Variants in FRMD6 observed in about 807,000 individuals in gnomAD.
The protein encoded by FRMD6 is FERM domain-containing protein 6.
A neutral mutation model predicts 73.2 loss-of-function variants in FRMD6; 37 were observed. That is an observed-to-expected ratio of 0.51 (90% confidence interval 0.39 to 0.66). FRMD6 has a LOEUF of 0.66. Ranked by LOEUF, FRMD6 falls within the 30% of genes least tolerant of loss-of-function variation. FRMD6 has a pLI of 0.00. For synonymous variants in FRMD6, 273 were observed against 282.2 expected, an observed-to-expected ratio of 0.97 and a Z score of 0.33; for missense variants, 714 against 780.5, an observed-to-expected ratio of 0.91 and a Z score of 1.02.
the FRMD6 span, among the ~76,000 whole-genome samples, chr14:51,429,518 G>A: frequency 6.6e-6 from 1 of 151,928 alleles, no homozygotes; most frequent in African/African-American, 2.4e-5. Flanking sequence ...ATTGAACTTT[G>A]TCGAGCACAG....
At chr14:51,528,100 C>T (rs574933136) in intron 1 of FRMD6, among the ~76,000 whole-genome samples, 2 of 152,276 alleles carry the variant, frequency 1.3e-5, no homozygotes, top group African/African-American at 4.8e-5. Context: ...TAGGATCATG[C>T]CACTGCACTC....
intron 1 of FRMD6, among the ~76,000 whole-genome samples, chr14:51,658,780 A>G (rs955499016): frequency 6.6e-6 from 1 of 152,238 alleles, no homozygotes; most frequent in African/African-American, 2.4e-5. Flanking sequence ...CTATTCATGT[A>G]TACATTTTAT....
At chr14:51,437,054 G>A in the FRMD6 span, 2 of 440,226 alleles carry the variant, frequency 4.5e-6, no homozygotes, top group Admixed American at 3.0e-5. Context: ...TGTTACATAG[G>A]TATACATTGC....
At position 51,702,523 on chromosome 14, in the gene FRMD6, A is replaced by G. The variant is rs144754689; in HGVS notation, c.306A>G (p.Gln102=). Residue 102 remains glutamine, a synonymous_variant, in exon 5 of 14, where the codon CAA becomes CAG. Transcript: ENST00000344768. ...RQYEVTWGID[Q]FGPPMIIHFR... is the part of the protein sequence containing the mutation. Reference sequence around the variant, plus strand: ...GCTTTTGTTTCTAGGGTATCGACCAATTTGGGCCTCCTATGATCATCCACT... The same window carrying G: ...GCTTTTGTTTCTAGGGTATCGACCAGTTTGGGCCTCCTATGATCATCCACT... 1.3e-5 allele frequency: 21 copies of G among 1,611,692 alleles called. No individual in the cohort carries two copies. In the African/African-American group the frequency reaches 2.1e-4, roughly 16 times the overall value.
intron 2 of FRMD6, among the ~76,000 whole-genome samples, chr14:51,602,759 G>A (rs1199614908): frequency 6.6e-6 from 1 of 152,136 alleles, no homozygotes; most frequent in Non-Finnish European, 1.5e-5. Context: ...TGGGTGAACA[G>A]TTTTTTAACA....
At chr14:51,434,494 T>C in the FRMD6 span, among the ~76,000 whole-genome samples, 13 of 138,024 alleles carry the variant, frequency 9.4e-5, no homozygotes, top group South Asian at 2.9e-3. Context: ...GTAGTAAAAA[T>C]TGGGACAATT....
At chr14:51,623,245 G>A (rs1338485248) in intron 2 of FRMD6, among the ~76,000 whole-genome samples, 1 of 152,152 alleles carries the variant, frequency 6.6e-6, no homozygotes, top group African/African-American at 2.4e-5. Flanking sequence ...AATCTTGGTG[G>A]AATTCTTGAT....
intron 2 of FRMD6, among the ~76,000 whole-genome samples, chr14:51,644,368 C>CACAT (rs1891957614): frequency 7.5e-6 from 1 of 133,956 alleles, no homozygotes. Context: ...CACACACACA[C>CACAT]ACACACACAC....
At chr14:51,557,574 A>G (rs1354308653) in intron 1 of FRMD6, among the ~76,000 whole-genome samples, 2 of 152,172 alleles carry the variant, frequency 1.3e-5, no homozygotes, top group African/African-American at 4.8e-5. Context: ...TAGACAGGAA[A>G]CATAAATTCA....
At chr14:51,602,380 A>T (rs1445174434) in intron 2 of FRMD6, among the ~76,000 whole-genome samples, 2 of 152,210 alleles carry the variant, frequency 1.3e-5, no homozygotes, top group Non-Finnish European at 2.9e-5. Context: ...CTAAGGATGA[A>T]TGGATGATTT....
upstream of FRMD6, among the ~76,000 whole-genome samples, chr14:51,647,100 T>C (rs1892110817): frequency 6.6e-6 from 1 of 152,214 alleles, no homozygotes; most frequent in Non-Finnish European, 1.5e-5. Flanking sequence ...ATACATCCCC[T>C]GTAAACCATA....
At chr14:51,497,449 T>TTAG in intron 1 of FRMD6, among the ~76,000 whole-genome samples, 2 of 152,284 alleles carry the variant, frequency 1.3e-5, no homozygotes, top group South Asian at 4.2e-4. Flanking sequence ...ACAAAATCTA[T>TTAG]ACCCATAATT....
At chr14:51,707,415 AC>A (rs1376679157) in intron 6 of FRMD6, among the ~76,000 whole-genome samples, 1 of 152,152 alleles carries the variant, frequency 6.6e-6, no homozygotes, top group Non-Finnish European at 1.5e-5. Flanking sequence ...TTTAATCAAC[AC>A]CTTTCTCTTA....
chr14:51,422,529 A>G, the FRMD6 span, among the ~76,000 whole-genome samples: 1 of 152,246 alleles, frequency 6.6e-6, no homozygotes, highest in Non-Finnish European at 1.5e-5. Flanking sequence ...TTAACAGGGT[A>G]AAGTAAAAGA....
the FRMD6 span, chr14:51,436,219 C>A: frequency 8.5e-6 from 3 of 352,958 alleles, no homozygotes; most frequent in Non-Finnish European, 1.6e-5. Context: ...AATGAACAAG[C>A]CAGTGAGGAG....
At chr14:51,424,425 A>T in the FRMD6 span, among the ~76,000 whole-genome samples, 572 of 152,300 alleles carry the variant, frequency 3.8e-3, 3 homozygotes, top group African/African-American at 0.013. Flanking sequence ...TTAAATTCAT[A>T]TCGTTGATCT....
chr14:51,469,618 GAA>G, the FRMD6 span, among the ~76,000 whole-genome samples: 652 of 96,756 alleles, frequency 6.7e-3, 3 homozygotes, highest in African/African-American at 0.015. Flanking sequence ...ATTTCAAAAA[GAA>G]AAAAAAAAAA....
At chr14:51,600,823 A>G (rs929792081) in intron 2 of FRMD6, among the ~76,000 whole-genome samples, 2 of 152,248 alleles carry the variant, frequency 1.3e-5, no homozygotes, top group South Asian at 2.1e-4. Context: ...GGCCATTGCC[A>G]AAGGCAGGAA....
intron 1 of FRMD6, among the ~76,000 whole-genome samples, chr14:51,543,822 T>G (rs1008627428): frequency 7.2e-5 from 11 of 152,044 alleles, no homozygotes; most frequent in Admixed American, 6.6e-4. Context: ...GAAATGTAAT[T>G]CTGGCAGCAA....
Sources: gnomAD v4.1 joint callset for allele counts (sites outside exome capture counted in the v4.1 genomes callset) on GRCh38, gnomAD v4.1.1 for gene constraint, MANE v1.5 for transcripts, NCBI Gene and HGNC (gene_info 2026-07-23, HGNC 2026-07-21) for gene names.